The following GNA12 variants were observed in gnomAD, a reference collection of about 807,000 sequenced individuals.
The protein encoded by GNA12 is G protein subunit alpha 12.
Under a neutral mutation model 26.0 loss-of-function variants are expected in GNA12, and 9 were observed. That is an observed-to-expected ratio of 0.35 (90% CI 0.21 to 0.60). The LOEUF (loss-of-function observed/expected upper bound fraction) is 0.60. Among genes scored for constraint, GNA12 ranks in the 20% least tolerant of loss-of-function variants. The probability of loss-of-function intolerance (pLI) is 0.78; values close to 1 mark genes in which losing one functional copy is unlikely to be tolerated. For missense variants in GNA12, 405 were observed against 525.8 expected (o/e 0.77, Z 2.25); for synonymous variants, 264 against 219.6 (o/e 1.20, Z -1.79).
chr7:2,751,384 G>A (rs551261332), intron 2 of GNA12, among the ~76,000 whole-genome samples: 3 of 132,430 alleles, frequency 2.3e-5, no homozygotes, highest in Admixed American at 8.2e-5. Context: ...GAGCAAGACC[G>A]TTTCAAAGAA....
chr7:2,815,721 G>A (rs956877056), intron 1 of GNA12, among the ~76,000 whole-genome samples: 3 of 152,154 alleles, frequency 2.0e-5, no homozygotes, highest in African/African-American at 7.2e-5. Context: ...GGTGCTCCCC[G>A]TGTGGCCCCG....
At chr7:2,770,567 A>G (rs1395863840) in intron 2 of GNA12, among the ~76,000 whole-genome samples, 1 of 152,178 alleles carries the variant, frequency 6.6e-6, no homozygotes, top group Admixed American at 6.5e-5. Context: ...GGATGCAGTG[A>G]GCTACGATAA....
chr7:2,814,471 T>C (rs1477350237), intron 1 of GNA12: 1 of 865,550 alleles, frequency 1.2e-6, no homozygotes, highest in Non-Finnish European at 2.0e-6. Flanking sequence ...CTCAAGCTTC[T>C]CCAAGCTCAC....
At chr7:2,737,327 C>T (rs899975742) in intron 2 of GNA12, among the ~76,000 whole-genome samples, 9 of 119,460 alleles carry the variant, frequency 7.5e-5, no homozygotes, top group East Asian at 5.7e-4. Context: ...CTCGCCCTGT[C>T]GCCCCGGCTG....
chr7:2,748,071 A>G (rs1003711282), intron 2 of GNA12, among the ~76,000 whole-genome samples: 6 of 150,880 alleles, frequency 4.0e-5, no homozygotes, highest in African/African-American at 7.4e-5. Flanking sequence ...TATCATGAAA[A>G]TGGCCATACT....
At chr7:2,840,784 C>T (rs879939670) in intron 1 of GNA12, among the ~76,000 whole-genome samples, 17 of 151,990 alleles carry the variant, frequency 1.1e-4, no homozygotes, top group Middle Eastern at 3.2e-3. Context: ...CACGAGGCGA[C>T]GCAAGGCCAC....
At chr7:2,830,511 G>C (rs1367000987) in intron 1 of GNA12, among the ~76,000 whole-genome samples, 1 of 152,202 alleles carries the variant, frequency 6.6e-6, no homozygotes, top group Non-Finnish European at 1.5e-5. Context: ...GGCTCCCAAA[G>C]AGAGAACCTG....
At chr7:2,732,627 T>C (rs798530) in intron 3 of GNA12, among the ~76,000 whole-genome samples, 88,210 of 152,044 alleles carry the variant, frequency 0.58, 25,825 homozygotes, top group Admixed American at 0.63. Context: ...GGCAGCTTCT[T>C]GCCAAAACAC....
At chr7:2,833,625 T>G (rs927556638) in intron 1 of GNA12, among the ~76,000 whole-genome samples, 1 of 152,172 alleles carries the variant, frequency 6.6e-6, no homozygotes, top group Non-Finnish European at 1.5e-5. Flanking sequence ...GAAAAAGATG[T>G]TTTTGCATTT....
intron 2 of GNA12, among the ~76,000 whole-genome samples, chr7:2,774,386 G>C (rs1388240497): frequency 6.6e-6 from 1 of 152,206 alleles, no homozygotes; most frequent in Non-Finnish European, 1.5e-5. Context: ...TGTCAGGTAA[G>C]ATTTCATGAA....
chr7:2,817,247 G>A (rs1224031700), intron 1 of GNA12, among the ~76,000 whole-genome samples: 1 of 152,214 alleles, frequency 6.6e-6, no homozygotes, highest in Non-Finnish European at 1.5e-5. Flanking sequence ...TGAAATTACA[G>A]GCACGCGCCA....
At chr7:2,826,801 T>C (rs1263633868) in intron 1 of GNA12, among the ~76,000 whole-genome samples, 2 of 152,060 alleles carry the variant, frequency 1.3e-5, no homozygotes, top group Admixed American at 6.5e-5. Flanking sequence ...GAAGGAGGGA[T>C]GAACAGGTAG....
At chr7:2,794,150 C>A (rs1792589722) in intron 2 of GNA12, among the ~76,000 whole-genome samples, 1 of 152,104 alleles carries the variant, frequency 6.6e-6, no homozygotes, top group African/African-American at 2.4e-5. Context: ...AAACTCAAGA[C>A]TGTCGTGTTT....
intron 1 of GNA12, among the ~76,000 whole-genome samples, chr7:2,816,929 G>A (rs762970909): frequency 1.4e-4 from 22 of 152,150 alleles, no homozygotes; most frequent in Non-Finnish European, 2.9e-4. Flanking sequence ...GTCAGTCTGG[G>A]TCTCTGCTGC....
chr7:2,766,299 T>C (rs963180089), intron 2 of GNA12, among the ~76,000 whole-genome samples: 1 of 152,232 alleles, frequency 6.6e-6, no homozygotes, highest in South Asian at 2.1e-4. Context: ...AGTCTTTCCT[T>C]TTTAAGGCTG....
intron 2 of GNA12, among the ~76,000 whole-genome samples, chr7:2,741,562 C>G (rs1482320670): frequency 6.6e-6 from 1 of 152,120 alleles, no homozygotes; most frequent in Non-Finnish European, 1.5e-5. Context: ...AATTCCAAGT[C>G]TCTTTGGGGC....
chr7:2,816,947 T>C (rs532367138), intron 1 of GNA12, among the ~76,000 whole-genome samples: 2 of 152,362 alleles, frequency 1.3e-5, no homozygotes, highest in East Asian at 3.9e-4. Flanking sequence ...TGCTCTTCAC[T>C]GATGCCCCTG....
At chr7:2,810,041 G>A (rs901139578) in intron 1 of GNA12, among the ~76,000 whole-genome samples, 7 of 152,222 alleles carry the variant, frequency 4.6e-5, no homozygotes, top group African/African-American at 1.7e-4. Context: ...ACATTAGAAA[G>A]GGGTCAACCC....
intron 2 of GNA12, among the ~76,000 whole-genome samples, chr7:2,734,603 T>A (rs1269107114): frequency 6.6e-6 from 1 of 152,214 alleles, no homozygotes; most frequent in Admixed American, 6.5e-5. Context: ...CTGCTCAGTC[T>A]ATCTCTTCCT....
Sources: allele counts gnomAD v4.1 joint callset (sites outside exome capture counted in the v4.1 genomes callset), GRCh38; gene constraint gnomAD v4.1.1; transcripts MANE v1.5; gene names NCBI Gene and HGNC (gene_info 2026-07-23, HGNC 2026-07-21).